The following TTLL11 variants were observed in gnomAD, a reference collection of about 807,000 sequenced individuals.
TTLL11 encodes tubulin polyglutamylase TTLL11.
In TTLL11, 42 loss-of-function variants were observed where a neutral mutation model predicts 51.7. The ratio of observed to expected loss-of-function variants is 0.81; its 90% CI spans 0.64 to 1.05. The LOEUF is 1.05. Among genes scored for constraint, TTLL11 ranks in the 50% least tolerant of loss-of-function variants. TTLL11 has a pLI of 0.00. For missense variants in TTLL11, 799 were observed against 940.4 expected (o/e 0.85, Z 1.97); for synonymous variants, 381 against 383.5 (o/e 0.99, Z 0.08).
At chr9:122,074,526 A>AT (rs1845810274) in intron 1 of TTLL11, among the ~76,000 whole-genome samples, 1 of 152,156 alleles carries the variant, frequency 6.6e-6, no homozygotes, top group South Asian at 2.1e-4. Context: ...TTTTATTTAC[A>AT]ACAAGAATTT....
rs755324706 is a variant in TTLL11, at chr9:121,822,621, T to C, written c.2099A>G (p.Asn700Ser). 8.7e-6 allele frequency: 13 copies of C among 1,488,222 alleles called. No individual in the cohort carries two copies. Among genetic ancestry groups the C allele is most frequent in the Non-Finnish European group, 1.1e-5 (12 of 1,119,296 alleles). 92.2% of individuals were successfully genotyped at this position (1,488,222 alleles called of 1,614,324 possible). Residue 700 changes from asparagine (N) to serine (S), a missense_variant, in exon 9 of 9, where the codon AAT becomes AGT. Asn to Ser is a conservative substitution (Grantham distance 46). Coordinates refer to ENST00000321582, the MANE Select transcript of TTLL11 (RefSeq NM_001139442.2). This position sits in a 1 kb window ranked among gnomAD's most constrained non-coding sequence, Gnocchi z 5.8. ...GGTATGTCTGGGATGGGAGAGCTTATTGGCACAGCTGGTGCGGGGTGGGGG... is the reference window on the plus strand; with the variant it reads ...GGTATGTCTGGGATGGGAGAGCTTACTGGCACAGCTGGTGCGGGGTGGGGG... ...DNPPPRTSCANKLSHPRHTLS is the reference protein window; with the variant it reads ...DNPPPRTSCASKLSHPRHTLS
At chr9:121,904,897 C>T (rs370295757) in intron 6 of TTLL11, among the ~76,000 whole-genome samples, 1 of 152,194 alleles carries the variant, frequency 6.6e-6, no homozygotes, top group Admixed American at 6.5e-5. Context: ...AGGCCACCAG[C>T]GTCTAGTTGC....
chr9:122,035,793 G>A (rs548298926), intron 2 of TTLL11, among the ~76,000 whole-genome samples: 4 of 152,188 alleles, frequency 2.6e-5, no homozygotes, highest in East Asian at 1.9e-4. Context: ...AAGCTGACCC[G>A]TGTCACTGTC....
rs1031086984 is a variant in TTLL11 at position 121,989,328 on chromosome 9, C to G, written c.1136G>C (p.Gly379Ala). ...AGACCAGACCTTCTTGATGTCAACG[C>G]CTTTGGAAGACAGTCTACAAAGGAT... Reference protein sequence around the residue: ...SSILCRLSSKGVDIKKVWSDI... With the variant: ...SSILCRLSSKAVDIKKVWSDI... The change falls in exon 4 of 9, where the codon GGC becomes GCC. Residue 379 changes from glycine (G) to alanine (A), a missense_variant. Around this residue, in one of 3 missense-constraint regions of TTLL11, gnomAD observed 468 missense variants for 612.8 expected, o/e 0.76. Coordinates refer to ENST00000321582, the MANE Select transcript of TTLL11 (RefSeq NM_001139442.2). This position sits in a 1 kb window ranked among gnomAD's most constrained non-coding sequence, Gnocchi z 4.2. 1.9e-6 allele frequency: 3 copies of G among 1,614,024 alleles called. No individual in the cohort carries two copies. The highest frequency in any genetic ancestry group is 1.3e-5 in the African/African-American group (1 of 74,896).
Position 121,822,324 on chromosome 9 carries a change from A to G in TTLL11, c.*263T>C. The G allele has an allele frequency of 3.4e-6, 1 of 293,376 alleles. No homozygotes were observed. The highest frequency in any genetic ancestry group is 1.4e-4 in the South Asian group (1 of 7,114). The allele number at this position is 293,376 out of a possible 1,614,324, so 18.2% of individuals were successfully genotyped here. On this transcript the variant is annotated 3_prime_UTR_variant, in exon 9 of 9. Transcript: ENST00000321582. The surrounding 1 kb of genome is among the most constrained non-coding windows in gnomAD (Gnocchi z 5.8). ...CTGTGAGCCCAGAATAGAAGGTGCCATCTGTCACGTTTTAGATGTCATATG... is the reference window on the plus strand; with the variant it reads ...CTGTGAGCCCAGAATAGAAGGTGCCGTCTGTCACGTTTTAGATGTCATATG...
intron 6 of TTLL11, among the ~76,000 whole-genome samples, chr9:121,899,396 TATATATAC>T (rs143495301): frequency 0.28 from 39,049 of 138,616 alleles, 5,970 homozygotes; most frequent in East Asian, 0.49. Context: ...TATATATATA[TATATATAC>T]ACACACACAC....
chr9:121,896,021 T>G, intron 6 of TTLL11, among the ~76,000 whole-genome samples: 1 of 141,004 alleles, frequency 7.1e-6, no homozygotes, highest in Admixed American at 7.2e-5. Flanking sequence ...TGGTTGTGTG[T>G]GTGTATGAAT....
chr9:121,927,383 C>T (rs1840775286), intron 6 of TTLL11, among the ~76,000 whole-genome samples: 1 of 152,190 alleles, frequency 6.6e-6, no homozygotes, highest in South Asian at 2.1e-4. Flanking sequence ...GGAATTTGAT[C>T]TTCATGGTTA....
intron 3 of TTLL11, among the ~76,000 whole-genome samples, chr9:121,994,224 T>G (rs1843191222): frequency 6.6e-6 from 1 of 152,066 alleles, no homozygotes; most frequent in African/African-American, 2.4e-5. Context: ...GATGTGCTGC[T>G]TCGGTGGGGG....
At chr9:121,937,625 G>A (rs1250268218) in intron 6 of TTLL11, among the ~76,000 whole-genome samples, 1 of 140,978 alleles carries the variant, frequency 7.1e-6, no homozygotes, top group Non-Finnish European at 1.5e-5. Flanking sequence ...TTGGTGATTC[G>A]ATGGCTATGG....
At chr9:122,060,081 G>A (rs1845400785) in intron 1 of TTLL11, among the ~76,000 whole-genome samples, 1 of 152,206 alleles carries the variant, frequency 6.6e-6, no homozygotes, top group African/African-American at 2.4e-5. Context: ...GGGCTGGCCT[G>A]ATTAGATCCC....
At chr9:121,909,592 C>T (rs1201417427) in intron 6 of TTLL11, among the ~76,000 whole-genome samples, 1 of 152,140 alleles carries the variant, frequency 6.6e-6, no homozygotes, top group Non-Finnish European at 1.5e-5. Context: ...GTTCAGTCCA[C>T]CAGGGTCCAT....
intron 4 of TTLL11, among the ~76,000 whole-genome samples, chr9:121,975,972 A>G (rs1314895324): frequency 7.9e-5 from 12 of 152,204 alleles, no homozygotes; most frequent in Non-Finnish European, 1.2e-4. Flanking sequence ...ACTTTACAGA[A>G]GCAGAAACTG....
At chr9:121,957,368 T>G (rs1343824604) in intron 6 of TTLL11, among the ~76,000 whole-genome samples, 4 of 152,172 alleles carry the variant, frequency 2.6e-5, no homozygotes, top group Admixed American at 6.5e-5. Context: ...CCTGTCCTGA[T>G]AGCCCACATC....
chr9:121,966,205 T>C (rs1335962165), intron 6 of TTLL11, among the ~76,000 whole-genome samples: 1 of 152,168 alleles, frequency 6.6e-6, no homozygotes, highest in African/African-American at 2.4e-5. Context: ...GATTGTGAAA[T>C]GTTACATGGA....
chr9:122,086,113 A>G (rs911394497), intron 1 of TTLL11, among the ~76,000 whole-genome samples: 1 of 152,262 alleles, frequency 6.6e-6, no homozygotes, highest in Admixed American at 6.5e-5. Flanking sequence ...TGTATGTTTT[A>G]TAACACAGAA....
At chr9:122,022,096 CAG>C (rs1844199037) in intron 3 of TTLL11, among the ~76,000 whole-genome samples, 1 of 151,818 alleles carries the variant, frequency 6.6e-6, no homozygotes. Context: ...CAAAATGAAA[CAG>C]AATGATTTTT....
At chr9:121,969,950 T>C (rs1842508569) in intron 6 of TTLL11, among the ~76,000 whole-genome samples, 1 of 152,192 alleles carries the variant, frequency 6.6e-6, no homozygotes, top group Non-Finnish European at 1.5e-5. Flanking sequence ...ATGATCATAA[T>C]CCCTTACATA....
rs756637990 is a variant in TTLL11 at position 122,093,035 on chromosome 9, C to G, written c.114G>C (p.Ala38=). The G allele has an allele frequency of 6.6e-6, 10 of 1,524,852 alleles. No individual in the cohort carries two copies. Among genetic ancestry groups the G allele is most frequent in the Non-Finnish European group, 8.7e-6 (10 of 1,143,966 alleles). The allele number at this position is 1,524,852 out of a possible 1,614,324, so 94.5% of individuals were successfully genotyped here. The change falls in exon 1 of 9, where the codon GCG becomes GCC. Residue 38 remains alanine, a synonymous_variant. Coordinates refer to ENST00000321582, the MANE Select transcript of TTLL11 (RefSeq NM_001139442.2). ...AEAEATAETV[A]EQVRVDAGAA... is the part of the protein sequence containing the mutation. ...CGCCCGCGTCCACGCGGACCTGTTCCGCCACCGTCTCCGCTGTGGCCTCGG... is the reference window on the plus strand; with the variant it reads ...CGCCCGCGTCCACGCGGACCTGTTCGGCCACCGTCTCCGCTGTGGCCTCGG...
Sources: gnomAD v4.1 joint callset for allele counts (sites outside exome capture counted in the v4.1 genomes callset) on GRCh38, gnomAD v4.1.1 for gene constraint, gnomAD v4.1.1 regional missense constraint, Gnocchi (gnomAD v3.1) non-coding constraint, MANE v1.5 for transcripts, NCBI Gene and HGNC (gene_info 2026-07-23, HGNC 2026-07-21) for gene names.